Variants in LRP1B observed in about 807,000 individuals in gnomAD.
LRP1B encodes LDL receptor related protein 1B.
A neutral mutation model predicts 556.6 loss-of-function variants in LRP1B; 217 were observed. That is an observed-to-expected ratio of 0.39 (90% CI 0.35 to 0.44). The LOEUF is 0.44. Ranked by LOEUF, LRP1B falls within the 20% of genes least tolerant of loss-of-function variation. The probability of loss-of-function intolerance (pLI) is 1.00; values close to 1 mark genes in which losing one functional copy is unlikely to be tolerated. For missense variants in LRP1B, 5,053 were observed against 5,620.8 expected, an observed-to-expected ratio of 0.90 and a Z score of 3.23; for synonymous variants, 2,047 against 1,865.8, an observed-to-expected ratio of 1.10 and a Z score of -2.50.
chr2:142,026,843 G>A (rs976548155), intron 1 of LRP1B, among the ~76,000 whole-genome samples: 2 of 151,896 alleles, frequency 1.3e-5, no homozygotes, highest in Non-Finnish European at 2.9e-5. Context: ...CAGTGCTGTT[G>A]GGACCAGGAA....
In LRP1B at chr2:141,254,644, G is replaced by A. The variant is rs2105340636; in HGVS notation, c.344-3C>T. 1.9e-6 allele frequency: 3 copies of A among 1,602,852 alleles called. No homozygotes were observed. The highest frequency in any genetic ancestry group is 2.6e-6 in the Non-Finnish European group (3 of 1,171,996). On this transcript the variant is annotated splice_polypyrimidine_tract_variant and splice_region_variant and intron_variant, in intron 3 of 90. Coordinates refer to ENST00000389484, the MANE Select transcript of LRP1B (RefSeq NM_018557.3). ...CTGTTGGCAATTGGATAACAGTTCT[G>A]TAGAGAAAAAACAAATATATTCTCT...
intron 18 of LRP1B, among the ~76,000 whole-genome samples, chr2:140,972,590 A>C (rs1317090771): frequency 3.0e-5 from 2 of 67,030 alleles, no homozygotes; most frequent in Non-Finnish European, 7.8e-5. Context: ...GGGAGTTAGG[A>C]AACATGGGAA....
chr2:140,880,361 C>T (rs921376620), intron 25 of LRP1B, among the ~76,000 whole-genome samples: 1 of 152,084 alleles, frequency 6.6e-6, no homozygotes, highest in African/African-American at 2.4e-5. Flanking sequence ...GATTCATGGT[C>T]TCTTTCAGGT....
At chr2:140,879,402 C>A (rs993887856) in intron 25 of LRP1B, among the ~76,000 whole-genome samples, 3 of 152,090 alleles carry the variant, frequency 2.0e-5, no homozygotes, top group Non-Finnish European at 2.9e-5. Context: ...TTCATTAAAC[C>A]TAGCAGTGTT....
In LRP1B at chr2:141,795,857, A is replaced by AATATATATATAT. The variant is rs1198211801; in HGVS notation, c.205+14410_205+14421dup. Among the ~76,000 whole-genome samples, 103 of 51,492 alleles carry AATATATATATAT rather than the reference A, an allele frequency of 2.0e-3. 1 individual carries two copies. Among genetic ancestry groups the AATATATATATAT allele is most frequent in the Admixed American group, 2.8e-3 (12 of 4,362 alleles). 33.8% of individuals were successfully genotyped at this position (51,492 alleles called of 152,430 possible). ...GAAATAGAGAATGAAAACCAGGAGC[A>AATATATATATAT]ATATATATATATATATATATATATA... On this transcript the variant is annotated intron_variant, in intron 2 of 90. Coordinates refer to ENST00000389484, the MANE Select transcript of LRP1B (RefSeq NM_018557.3).
At chr2:141,128,652 G>A (rs1299943363) in intron 7 of LRP1B, among the ~76,000 whole-genome samples, 1 of 152,012 alleles carries the variant, frequency 6.6e-6, no homozygotes, top group Non-Finnish European at 1.5e-5. Flanking sequence ...ACAGCGTTTT[G>A]CCTTGTTGCC....
chr2:140,371,546 T>C (rs1012258499), intron 69 of LRP1B, among the ~76,000 whole-genome samples: 1 of 150,330 alleles, frequency 6.7e-6, no homozygotes, highest in African/African-American at 2.4e-5. Context: ...CAATAGTCCA[T>C]AGAAGGAAAA....
intron 5 of LRP1B, among the ~76,000 whole-genome samples, chr2:141,245,853 A>C (rs1684046418): frequency 6.6e-6 from 1 of 152,146 alleles, no homozygotes; most frequent in African/African-American, 2.4e-5. Context: ...TTAATTAGCA[A>C]GACAAGTTTA....
intron 41 of LRP1B, among the ~76,000 whole-genome samples, chr2:140,650,631 G>C (rs955393854): frequency 6.6e-6 from 1 of 152,084 alleles, no homozygotes; most frequent in African/African-American, 2.4e-5. Flanking sequence ...TTACAGGTGT[G>C]AGCCACCATG....
chr2:140,461,005 G>A (rs941807827), intron 60 of LRP1B, among the ~76,000 whole-genome samples: 6 of 150,810 alleles, frequency 4.0e-5, no homozygotes, highest in Non-Finnish European at 7.4e-5. Flanking sequence ...GGAGGTTGCA[G>A]TGAGCCAAGA....
rs140157952 is a variant in LRP1B, at chr2:140,251,868, T to A, written c.13248-4706A>T. 3.2e-3 allele frequency among the ~76,000 whole-genome samples: 490 copies of A among 151,390 alleles called. 3 individuals are homozygous for A. The highest frequency in any genetic ancestry group is 0.011 in the African/African-American group (455 of 41,364). On this transcript the variant is annotated intron_variant, in intron 86 of 90. Transcript: ENST00000389484. Reference sequence around the variant, plus strand: ...ATAATGGTGAAGAAAATCAGTATAGTGAAGAAAATCAGAAAAACACAAAGT... The same window carrying A: ...ATAATGGTGAAGAAAATCAGTATAGAGAAGAAAATCAGAAAAACACAAAGT...
intron 7 of LRP1B, among the ~76,000 whole-genome samples, chr2:141,114,769 C>T (rs1700844017): frequency 6.6e-6 from 1 of 152,114 alleles, no homozygotes; most frequent in Admixed American, 6.5e-5. Context: ...CAGCATTTCC[C>T]TGCCTCCTGT....
chr2:140,236,820 C>A (rs910065384), intron 89 of LRP1B, among the ~76,000 whole-genome samples: 1 of 150,876 alleles, frequency 6.6e-6, no homozygotes, highest in African/African-American at 2.4e-5. Context: ...TTAAAAAATA[C>A]ACTGACCAAG....
At chr2:142,069,005 T>A (rs950773548) in intron 1 of LRP1B, among the ~76,000 whole-genome samples, 2 of 151,492 alleles carry the variant, frequency 1.3e-5, no homozygotes, top group African/African-American at 4.8e-5. Flanking sequence ...TCTCTGTCTC[T>A]CTCTCTATGT....
At chr2:141,647,774 C>T (rs1574191166) in intron 2 of LRP1B, among the ~76,000 whole-genome samples, 1 of 147,896 alleles carries the variant, frequency 6.8e-6, no homozygotes, top group Non-Finnish European at 1.5e-5. Flanking sequence ...CTGGTTTTAA[C>T]AGTCTAATAT....
At chr2:141,244,671 T>C (rs1323174692) in intron 5 of LRP1B, among the ~76,000 whole-genome samples, 1 of 152,050 alleles carries the variant, frequency 6.6e-6, no homozygotes, top group African/African-American at 2.4e-5. Context: ...TATCCTCTGG[T>C]TCACTTCCCA....
chr2:141,959,751 T>C (rs933718817), intron 1 of LRP1B, among the ~76,000 whole-genome samples: 3 of 151,978 alleles, frequency 2.0e-5, no homozygotes, highest in Non-Finnish European at 1.5e-5. Context: ...CTTTGGAATC[T>C]GGTGTGTCTT....
chr2:141,231,266 A>G (rs1429143663), intron 5 of LRP1B, among the ~76,000 whole-genome samples: 1 of 152,236 alleles, frequency 6.6e-6, no homozygotes, highest in Non-Finnish European at 1.5e-5. Flanking sequence ...TGTTTCTGGC[A>G]TGGGCCAGGA....
In LRP1B at chr2:141,777,695, G is replaced by A. The variant is rs185189041; in HGVS notation, c.205+32584C>T. Among the ~76,000 whole-genome samples the A allele has an allele frequency of 3.3e-5, 5 of 152,164 alleles. 1 individual carries two copies. Among genetic ancestry groups the A allele is most frequent in the South Asian group, 4.1e-4 (2 of 4,824 alleles). ...CTCCCAAATTGCTGGGATTACAGTC[G>A]TGAGCCACCGCGCCCAGCCAAAATG... On this transcript the variant is annotated intron_variant, in intron 2 of 90. Coordinates refer to ENST00000389484, the MANE Select transcript of LRP1B (RefSeq NM_018557.3).
Sources: gnomAD v4.1 joint callset for allele counts (sites outside exome capture counted in the v4.1 genomes callset) on GRCh38, gnomAD v4.1.1 for gene constraint, MANE v1.5 for transcripts, NCBI Gene and HGNC (gene_info 2026-07-23, HGNC 2026-07-21) for gene names.